Variants in RGMA observed in about 807,000 individuals in gnomAD.
The protein encoded by RGMA is repulsive guidance molecule BMP co-receptor a, also known as repulsive guidance molecule A.
RGMA carries 10 observed loss-of-function variants against 23.2 expected under a neutral mutation model. That is an observed-to-expected ratio of 0.43 (90% CI 0.27 to 0.73). RGMA has a LOEUF of 0.73. Ranked by LOEUF, RGMA falls within the 30% of genes least tolerant of loss-of-function variation. RGMA has a pLI of 0.20. For missense variants in RGMA, 547 were observed against 630.5 expected (o/e 0.87, Z 1.42); for synonymous variants, 308 against 279.3 (o/e 1.10, Z -1.03).
chr15:93,068,293 A>G (rs1449244333), intron 2 of RGMA, among the ~76,000 whole-genome samples: 1 of 152,098 alleles, frequency 6.6e-6, no homozygotes, highest in Non-Finnish European at 1.5e-5. Context: ...CAAAACCTAA[A>G]GTTGGGGTTC....
In RGMA at chr15:93,036,191, A is replaced by G. The variant is rs866796323; in HGVS notation, c.*8807T>C. On this transcript the variant is annotated 3_prime_UTR_variant, in exon 4 of 4. Coordinates refer to ENST00000329082, the MANE Select transcript of RGMA (RefSeq NM_020211.3). ...GACCACAGCTGTACTGCCGACATCA[A>G]GCATAGCCCCCCAGCTCATCACGGG... 6.6e-6 allele frequency: 1 copy of G among 152,382 alleles called. No individual in the cohort carries two copies. Among genetic ancestry groups the G allele is most frequent in the South Asian group, 2.1e-4 (1 of 4,832 alleles). The allele number at this position is 152,382 out of a possible 1,614,324, so 9.4% of individuals were successfully genotyped here. A position where few individuals can be genotyped will look rare whatever the true frequency, so the allele number is the denominator to read the frequency against.
At chr15:93,065,725 G>T (rs1277835134) in intron 2 of RGMA, 4 of 1,196,000 alleles carry the variant, frequency 3.3e-6, no homozygotes, top group Non-Finnish European at 4.9e-6. Flanking sequence ...CTCAGGCCGG[G>T]GACCATCAGC....
chr15:93,088,108 A>G (rs956930113), intron 1 of RGMA, among the ~76,000 whole-genome samples: 3 of 152,248 alleles, frequency 2.0e-5, no homozygotes, highest in Admixed American at 6.5e-5. Context: ...ACCACACCAC[A>G]TAATAGCAGC....
At chr15:93,079,154 G>A (rs1895518747) in intron 1 of RGMA, among the ~76,000 whole-genome samples, 1 of 152,214 alleles carries the variant, frequency 6.6e-6, no homozygotes, top group South Asian at 2.1e-4. Flanking sequence ...CCACGTTCCT[G>A]GGGGATCCTC....
At chr15:93,080,342 G>A (rs944195549) in intron 1 of RGMA, among the ~76,000 whole-genome samples, 2 of 152,106 alleles carry the variant, frequency 1.3e-5, no homozygotes, top group Admixed American at 6.5e-5. Context: ...GGGACCACAG[G>A]TGCACACGCC....
intron 1 of RGMA, among the ~76,000 whole-genome samples, chr15:93,077,761 G>A (rs1014150201): frequency 6.6e-6 from 1 of 152,344 alleles, no homozygotes; most frequent in African/African-American, 2.4e-5. Context: ...AGGCTGGAGC[G>A]CAATGGTGCG....
Position 93,043,135 on chromosome 15 carries a change from C to T in RGMA, c.*1863G>A, listed in dbSNP as rs1384208761. 6.6e-6 allele frequency: 1 copy of T among 152,308 alleles called. No individual in the cohort carries two copies. Among genetic ancestry groups the T allele is most frequent in the Non-Finnish European group, 1.5e-5 (1 of 68,086 alleles). The allele number at this position is 152,308 out of a possible 1,614,324, so 9.4% of individuals were successfully genotyped here. ...GCTGTTAAACTGCTGCATCTTCTAT[C>T]CGCCTTCACACCATTCTCACGCACA... On this transcript the variant is annotated 3_prime_UTR_variant, in exon 4 of 4. Transcript: ENST00000329082.
At position 93,066,308 on chromosome 15, in the gene RGMA, G is replaced by A. The variant is rs115544504; in HGVS notation, c.130+6608C>T. On this transcript the variant is annotated intron_variant, in intron 2 of 3. Coordinates refer to ENST00000329082, the MANE Select transcript of RGMA (RefSeq NM_020211.3). ...TGGCGTCATTCCTGTGGATGAATCC[G>A]TAACCATTCCGGACGTTGAACCATT... 1.5e-3 allele frequency: 1,375 copies of A among 903,236 alleles called. 19 individuals are homozygous for A. In the African/African-American group the frequency reaches 0.02, roughly 13 times the overall value. 56.0% of individuals were successfully genotyped at this position (903,236 alleles called of 1,614,324 possible).
intron 2 of RGMA, among the ~76,000 whole-genome samples, chr15:93,060,730 A>T (rs914180202): frequency 1.8e-4 from 28 of 152,232 alleles, no homozygotes; most frequent in African/African-American, 6.5e-4. Flanking sequence ...GGAATTTTAG[A>T]ACCTGGGAGC....
At chr15:93,072,806 C>G in intron 2 of RGMA, 110 bp downstream of exon 2, 2 of 1,205,512 alleles carry the variant, frequency 1.7e-6, no homozygotes, top group Non-Finnish European at 2.3e-6. Flanking sequence ...GAGGCGGGGT[C>G]CGGAGGAGGT....
intron 2 of RGMA, among the ~76,000 whole-genome samples, chr15:93,057,585 G>A (rs931001061): frequency 6.6e-6 from 1 of 152,106 alleles, no homozygotes; most frequent in African/African-American, 2.4e-5. Context: ...AGCCTCCTAG[G>A]CTGGGGTATT....
chr15:93,047,111 C>CCAGACTCTGG (rs1567178965), intron 3 of RGMA, among the ~76,000 whole-genome samples: 6 of 151,964 alleles, frequency 3.9e-5, no homozygotes, highest in Non-Finnish European at 5.9e-5. Context: ...TTAGACTCTG[C>CCAGACTCTGG]GTTTCCAGAC....
chr15:93,063,845 T>A (rs1189758198), intron 2 of RGMA, among the ~76,000 whole-genome samples: 1 of 151,596 alleles, frequency 6.6e-6, no homozygotes, highest in Non-Finnish European at 1.5e-5. Context: ...GAGGTGGGGG[T>A]CAGTTGGGGT....
At chr15:93,084,480 T>A (rs1895606707) in intron 1 of RGMA, among the ~76,000 whole-genome samples, 2 of 151,956 alleles carry the variant, frequency 1.3e-5, no homozygotes, top group Admixed American at 6.6e-5. Context: ...TTTTGTTTTT[T>A]GTTTTTTTTT....
chr15:93,087,430 G>A (rs952038200), intron 1 of RGMA, among the ~76,000 whole-genome samples: 3 of 105,540 alleles, frequency 2.8e-5, no homozygotes, highest in African/African-American at 1.1e-4. Context: ...GTCACTTGCT[G>A]TGGTAACAGC....
At chr15:93,067,421 G>C (rs1459150047) in intron 2 of RGMA, among the ~76,000 whole-genome samples, 3 of 152,150 alleles carry the variant, frequency 2.0e-5, no homozygotes, top group East Asian at 1.9e-4. Flanking sequence ...AGGGCATATA[G>C]AAACAGAAAT....
At chr15:93,073,898 G>C in intron 1 of RGMA, 1 of 1,447,016 alleles carries the variant, frequency 6.9e-7, no homozygotes, top group Non-Finnish European at 9.1e-7. Context: ...CAGAGAGATG[G>C]CTATGCCGGT....
chr15:93,054,229 C>CAA (rs34699802), intron 2 of RGMA, among the ~76,000 whole-genome samples: 2,379 of 110,682 alleles, frequency 0.021, 95 homozygotes, highest in African/African-American at 0.075. Flanking sequence ...GACTCCATCT[C>CAA]AAAAAAAAAA....
intron 2 of RGMA, among the ~76,000 whole-genome samples, chr15:93,068,356 G>T (rs1406189122): frequency 6.6e-6 from 1 of 151,642 alleles, no homozygotes; most frequent in African/African-American, 2.4e-5. Context: ...TCTCTAGCAG[G>T]AACGACACTC....
Sources: gnomAD v4.1 joint callset for allele counts (sites outside exome capture counted in the v4.1 genomes callset) on GRCh38, gnomAD v4.1.1 for gene constraint, MANE v1.5 for transcripts, NCBI Gene and HGNC (gene_info 2026-07-23, HGNC 2026-07-21) for gene names.